The following DSCAM variants were observed in gnomAD, a reference collection of about 807,000 sequenced individuals.
DSCAM encodes cell adhesion molecule DSCAM.
A neutral mutation model predicts 217.7 loss-of-function variants in DSCAM; 47 were observed. That is an observed-to-expected ratio of 0.22 (90% CI 0.17 to 0.28). The LOEUF (loss-of-function observed/expected upper bound fraction) is 0.28, where lower values mean the gene tolerates loss of function less well. Among genes scored for constraint, DSCAM ranks in the 10% least tolerant of loss-of-function variants. The pLI, the probability that DSCAM is intolerant of heterozygous loss-of-function variation, is 1.00. For synonymous variants in DSCAM, 1,056 were observed against 1,015.3 expected (o/e 1.04, Z -0.76); for missense variants, 2,080 against 2,618.3 (o/e 0.79, Z 4.49).
chr21:40,821,388 C>T (rs7277180), intron 1 of DSCAM, among the ~76,000 whole-genome samples: 21,826 of 115,192 alleles, frequency 0.19, 2,085 homozygotes, highest in African/African-American at 0.29. Flanking sequence ...CACAGACACA[C>T]GCGCGCACAC....
At chr21:40,750,563 C>T (rs1041349289) in intron 1 of DSCAM, among the ~76,000 whole-genome samples, 2 of 152,146 alleles carry the variant, frequency 1.3e-5, no homozygotes, top group African/African-American at 2.4e-5. Flanking sequence ...AGTATCATCT[C>T]CAGGCTGGCA....
At chr21:40,442,719 C>T (rs1243329000) in intron 3 of DSCAM, among the ~76,000 whole-genome samples, 1 of 151,956 alleles carries the variant, frequency 6.6e-6, no homozygotes, top group Non-Finnish European at 1.5e-5. Flanking sequence ...ACCATATTGG[C>T]CGGGCTGGTC....
Position 40,313,344 on chromosome 21 carries a change from G to A in DSCAM, c.1784-985C>T, listed in dbSNP as rs150527135. Among the ~76,000 whole-genome samples, 1,186 of 152,200 alleles carry A rather than the reference G, an allele frequency of 7.8e-3. 10 individuals carry two copies. Among genetic ancestry groups the A allele is most frequent in the Middle Eastern group, 0.02 (6 of 294 alleles). Reference sequence around the variant, plus strand: ...TTGCTGATGTATTGCTAAGGAGGTCGGGTTATAGCCTTCAGCCTGGCCTGC... The same window carrying A: ...TTGCTGATGTATTGCTAAGGAGGTCAGGTTATAGCCTTCAGCCTGGCCTGC... On this transcript the variant is annotated intron_variant, in intron 8 of 32. Transcript: ENST00000400454.
intron 11 of DSCAM, among the ~76,000 whole-genome samples, chr21:40,219,334 C>T (rs1173848489): frequency 6.6e-6 from 1 of 152,096 alleles, no homozygotes; most frequent in Non-Finnish European, 1.5e-5. Context: ...CCTACTTGAT[C>T]ATGGTGGTCA....
chr21:40,347,615 A>G, intron 6 of DSCAM, 55 bp downstream of exon 6: 2 of 1,605,086 alleles, frequency 1.2e-6, no homozygotes, highest in Admixed American at 1.7e-5. Context: ...TTCTTTTCTG[A>G]GTGCTCTGGG....
chr21:40,627,674 T>C (rs186854980), intron 3 of DSCAM, among the ~76,000 whole-genome samples: 111 of 152,338 alleles, frequency 7.3e-4, no homozygotes, highest in African/African-American at 2.5e-3. Context: ...TAGCCAACAC[T>C]TGCACTTACT....
intron 16 of DSCAM, among the ~76,000 whole-genome samples, chr21:40,146,773 A>G (rs891226973): frequency 2.0e-5 from 3 of 152,144 alleles, no homozygotes; most frequent in African/African-American, 7.2e-5. Context: ...TTTTATTATA[A>G]ACAAATGTCT....
chr21:40,754,959 TTC>T (rs2091261650), intron 1 of DSCAM, among the ~76,000 whole-genome samples: 1 of 152,224 alleles, frequency 6.6e-6, no homozygotes, highest in Non-Finnish European at 1.5e-5. Flanking sequence ...GAAGAGAGTT[TTC>T]TAAATTCCCA....
chr21:40,517,494 ATT>A (rs2076312492), intron 3 of DSCAM, among the ~76,000 whole-genome samples: 2 of 151,492 alleles, frequency 1.3e-5, no homozygotes, highest in Non-Finnish European at 2.9e-5. Context: ...ACCATATAAC[ATT>A]GTTAGGGTCT....
intron 3 of DSCAM, among the ~76,000 whole-genome samples, chr21:40,555,279 G>C (rs1055085747): frequency 6.6e-6 from 1 of 152,106 alleles, no homozygotes; most frequent in African/African-American, 2.4e-5. Flanking sequence ...ACGTGATCTT[G>C]AGCATTTAAA....
At chr21:40,044,325 A>T in intron 30 of DSCAM, 50 bp from the exon 31 acceptor site, 1 of 1,566,470 alleles carries the variant, frequency 6.4e-7, no homozygotes, top group Non-Finnish European at 8.7e-7. Context: ...GAGTGTGGTC[A>T]GCTGAGAGCA....
intron 21 of DSCAM, among the ~76,000 whole-genome samples, chr21:40,088,049 G>A (rs1368125206): frequency 2.6e-5 from 4 of 152,216 alleles, no homozygotes; most frequent in African/African-American, 7.2e-5. Flanking sequence ...AAGTCTTCCA[G>A]AGGAAAACAA....
chr21:40,456,620 T>C (rs138104945), intron 3 of DSCAM, among the ~76,000 whole-genome samples: 2 of 152,142 alleles, frequency 1.3e-5, no homozygotes, highest in African/African-American at 2.4e-5. Context: ...GTAAAGTCGA[T>C]TGCTATCTGA....
chr21:40,768,667 G>A (rs1321910588), intron 1 of DSCAM, among the ~76,000 whole-genome samples: 1 of 152,182 alleles, frequency 6.6e-6, no homozygotes, highest in African/African-American at 2.4e-5. Context: ...CCCGGTAAGT[G>A]CAGCAATCCA....
intron 3 of DSCAM, among the ~76,000 whole-genome samples, chr21:40,592,809 C>G (rs1333359984): frequency 2.6e-5 from 4 of 152,176 alleles, no homozygotes; most frequent in Non-Finnish European, 4.4e-5. Context: ...TTGTCCTTCC[C>G]TCTCACAGAA....
intron 1 of DSCAM, among the ~76,000 whole-genome samples, chr21:40,733,164 A>G (rs1028848152): frequency 3.9e-5 from 6 of 152,276 alleles, no homozygotes; most frequent in East Asian, 1.9e-4. Context: ...TAGTTGCTGC[A>G]CTCGTAAATA....
chr21:40,040,973 T>C (rs750350552), intron 32 of DSCAM, among the ~76,000 whole-genome samples: 1 of 152,166 alleles, frequency 6.6e-6, no homozygotes, highest in Non-Finnish European at 1.5e-5. Flanking sequence ...AATAACAGCT[T>C]GTCTTTTCCC....
chr21:40,564,258 G>A lies in DSCAM; in HGVS notation c.508+128552C>T, dbSNP rs554673043. ...AGTGGTTAGGGAACTCTACAAAACA[G>A]ACCACTGCAGGGGAAAAAACAATGA... is the stretch of plus-strand genomic sequence containing the variant. On this transcript the variant is annotated intron_variant, in intron 3 of 32. Coordinates refer to ENST00000400454, the MANE Select transcript of DSCAM (RefSeq NM_001389.5). Among the ~76,000 whole-genome samples the A allele has an allele frequency of 4.6e-5, 7 of 152,334 alleles. No homozygotes were observed. In the South Asian group the frequency reaches 1.4e-3, roughly 32 times the overall value.
intron 3 of DSCAM, among the ~76,000 whole-genome samples, chr21:40,606,197 A>G (rs2146269886): frequency 6.6e-6 from 1 of 152,322 alleles, no homozygotes; most frequent in Admixed American, 6.5e-5. Flanking sequence ...AAATCATTTA[A>G]TGCTTCTGAA....
Sources: gnomAD v4.1 joint callset for allele counts (sites outside exome capture counted in the v4.1 genomes callset) on GRCh38, gnomAD v4.1.1 for gene constraint, MANE v1.5 for transcripts, NCBI Gene and HGNC (gene_info 2026-07-23, HGNC 2026-07-21) for gene names.